The following PDE4B variants were observed in gnomAD, a reference collection of about 807,000 sequenced individuals.
The protein encoded by PDE4B is 3',5'-cyclic-AMP phosphodiesterase 4B.
A neutral mutation model predicts 82.2 loss-of-function variants in PDE4B; 20 were observed. That is an observed-to-expected ratio of 0.24 (90% CI 0.17 to 0.35). PDE4B has a LOEUF of 0.35. PDE4B is among the 10% of genes least tolerant of loss of function. The pLI, the probability that PDE4B is intolerant of heterozygous loss-of-function variation, is 1.00. For missense variants in PDE4B, 655 were observed against 907.2 expected (o/e 0.72, Z 3.57); for synonymous variants, 320 against 318.9 (o/e 1.00, Z -0.04).
intron 1 of PDE4B, among the ~76,000 whole-genome samples, chr1:65,904,118 G>A (rs902538551): frequency 2.0e-5 from 3 of 152,152 alleles, no homozygotes; most frequent in Non-Finnish European, 4.4e-5. Flanking sequence ...AGGAAAAAAA[G>A]TTACTTGATG....
chr1:65,963,124 G>A (rs564256451), intron 3 of PDE4B, among the ~76,000 whole-genome samples: 4 of 152,174 alleles, frequency 2.6e-5, no homozygotes, highest in African/African-American at 7.2e-5. Flanking sequence ...GTCAGCTCCC[G>A]TACACCACTG....
intron 7 of PDE4B, among the ~76,000 whole-genome samples, chr1:66,279,879 T>C (rs1656168738): frequency 6.6e-6 from 1 of 152,128 alleles, no homozygotes; most frequent in African/African-American, 2.4e-5. Context: ...TCGGGGGTAA[T>C]CTCCTTTACT....
intron 3 of PDE4B, among the ~76,000 whole-genome samples, chr1:65,973,501 T>C (rs1013479384): frequency 2.6e-5 from 4 of 152,164 alleles, no homozygotes; most frequent in Admixed American, 2.0e-4. Context: ...TGAAAGTACA[T>C]ATCATGCAAA....
At chr1:66,021,625 G>T (rs867882731) in intron 3 of PDE4B, among the ~76,000 whole-genome samples, 5 of 151,730 alleles carry the variant, frequency 3.3e-5, no homozygotes, top group African/African-American at 1.2e-4. Flanking sequence ...TCAGATGGTT[G>T]TAGAGGTATT....
chr1:66,267,898 A>C (rs1655171848), intron 7 of PDE4B, among the ~76,000 whole-genome samples: 1 of 152,216 alleles, frequency 6.6e-6, no homozygotes, highest in Non-Finnish European at 1.5e-5. Flanking sequence ...TTTAATATTT[A>C]TCAGCATATG....
chr1:65,847,848 C>T (rs935001529), intron 1 of PDE4B, among the ~76,000 whole-genome samples: 1 of 152,140 alleles, frequency 6.6e-6, no homozygotes, highest in East Asian at 1.9e-4. Context: ...GCTCAGCAAG[C>T]TCAGGAAGAT....
chr1:66,355,256 T>A lies in PDE4B; in HGVS notation c.748-271T>A, dbSNP rs1054543932. The A allele has an allele frequency of 6.2e-5, 24 of 385,494 alleles. No individual in the cohort carries two copies. The Middle Eastern group carries it at 2.0e-3, about 32-fold the overall frequency. The allele number at this position is 385,494 out of a possible 1,614,324, so 23.9% of individuals were successfully genotyped here. A position where few individuals can be genotyped will look rare whatever the true frequency, so the allele number is the denominator to read the frequency against. On this transcript the variant is annotated intron_variant, in intron 8 of 16. Transcript: ENST00000341517. ...GTAGGTACAGTTTCAAGTGGAATTA[T>A]CTTGACCTCTATTAAAATTCCTTTT...
chr1:66,264,923 T>C (rs1654927476), intron 6 of PDE4B, among the ~76,000 whole-genome samples: 1 of 152,194 alleles, frequency 6.6e-6, no homozygotes, highest in Non-Finnish European at 1.5e-5. Flanking sequence ...AAATAGACTC[T>C]TCAGGGTTGG....
chr1:66,125,453 C>T (rs982942672), intron 3 of PDE4B, among the ~76,000 whole-genome samples: 4 of 152,316 alleles, frequency 2.6e-5, no homozygotes, highest in South Asian at 4.1e-4. Flanking sequence ...TGAGCCACCA[C>T]GCCCTGCCCC....
At chr1:65,830,401 A>G (rs1313765657) in intron 1 of PDE4B, among the ~76,000 whole-genome samples, 11 of 152,154 alleles carry the variant, frequency 7.2e-5, no homozygotes. Flanking sequence ...TGAATCTGCA[A>G]AAGGAAATAA....
At chr1:66,181,831 C>A (rs1012749054) in intron 3 of PDE4B, among the ~76,000 whole-genome samples, 1 of 151,960 alleles carries the variant, frequency 6.6e-6, no homozygotes, top group Non-Finnish European at 1.5e-5. Flanking sequence ...ACTTTAAAAA[C>A]GAACAAAAAT....
At chr1:66,012,681 A>T (rs1006275048) in intron 3 of PDE4B, among the ~76,000 whole-genome samples, 5 of 152,126 alleles carry the variant, frequency 3.3e-5, no homozygotes, top group African/African-American at 1.2e-4. Flanking sequence ...GATGGAGAGG[A>T]TATTTTCAAG....
intron 3 of PDE4B, among the ~76,000 whole-genome samples, chr1:66,174,301 A>G (rs1445421078): frequency 6.6e-6 from 1 of 152,222 alleles, no homozygotes; most frequent in Non-Finnish European, 1.5e-5. Flanking sequence ...TTTATAGTAA[A>G]ACTACTTCTT....
chr1:65,964,393 G>C (rs1649706921), intron 3 of PDE4B, among the ~76,000 whole-genome samples: 1 of 152,166 alleles, frequency 6.6e-6, no homozygotes. Context: ...CTAAGTCTCA[G>C]CTTTCAGTAA....
At chr1:66,138,839 A>C (rs1311122042) in intron 3 of PDE4B, among the ~76,000 whole-genome samples, 1 of 152,194 alleles carries the variant, frequency 6.6e-6, no homozygotes, top group Non-Finnish European at 1.5e-5. Context: ...ATTGCCAGCA[A>C]ACCTAAGCTA....
chr1:66,174,928 G>A (rs112536119), intron 3 of PDE4B, among the ~76,000 whole-genome samples: 21 of 152,224 alleles, frequency 1.4e-4, no homozygotes, highest in Non-Finnish European at 2.5e-4. Context: ...GAAGCAAGGC[G>A]CGTCTTACAT....
At chr1:66,347,762 G>A (rs996970870) in intron 8 of PDE4B, among the ~76,000 whole-genome samples, 11 of 152,120 alleles carry the variant, frequency 7.2e-5, no homozygotes, top group African/African-American at 2.7e-4. Flanking sequence ...GTATTTTTAA[G>A]GGGTAGAGTA....
intron 3 of PDE4B, among the ~76,000 whole-genome samples, chr1:66,133,231 A>G (rs1465090020): frequency 6.6e-6 from 1 of 152,214 alleles, no homozygotes; most frequent in Non-Finnish European, 1.5e-5. Context: ...TTTTCCCACA[A>G]TATAATGGTT....
chr1:66,368,756 T>A (rs1456114458), intron 15 of PDE4B, 31 bp from the exon 16 acceptor site: 1 of 1,480,494 alleles, frequency 6.8e-7, no homozygotes, highest in Non-Finnish European at 9.1e-7. Flanking sequence ...ACACCTAATT[T>A]TATGAGATTT....
Sources: allele counts gnomAD v4.1 joint callset (sites outside exome capture counted in the v4.1 genomes callset), GRCh38; gene constraint gnomAD v4.1.1; transcripts MANE v1.5; gene names NCBI Gene and HGNC (gene_info 2026-07-23, HGNC 2026-07-21).